Variants in HS6ST3 observed in about 807,000 individuals in gnomAD.
The protein encoded by HS6ST3 is heparan sulfate 6-O-sulfotransferase 3, also known as heparan-sulfate 6-O-sulfotransferase 3.
A neutral mutation model predicts 36.7 loss-of-function variants in HS6ST3; 12 were observed. The observed-to-expected ratio is 0.33, with a 90% confidence interval of 0.21 to 0.53. HS6ST3 has a LOEUF of 0.53. Ranked by LOEUF, HS6ST3 falls within the 20% of genes least tolerant of loss-of-function variation. The pLI is 0.95. For synonymous variants in HS6ST3, 240 were observed against 257.5 expected, an observed-to-expected ratio of 0.93 and a Z score of 0.65; for missense variants, 584 against 640.9, an observed-to-expected ratio of 0.91 and a Z score of 0.96.
intron 1 of HS6ST3, among the ~76,000 whole-genome samples, chr13:96,416,860 C>G (rs558566491): frequency 2.0e-5 from 3 of 151,492 alleles, no homozygotes; most frequent in Admixed American, 2.0e-4. Flanking sequence ...TCACGCCATT[C>G]TCTTGCCTCA....
intron 1 of HS6ST3, among the ~76,000 whole-genome samples, chr13:96,780,445 G>A (rs1255053979): frequency 1.3e-5 from 2 of 152,150 alleles, no homozygotes; most frequent in Non-Finnish European, 2.9e-5. Context: ...GGGTAGGGAA[G>A]AAGTAATTTC....
rs897776283 is a variant in HS6ST3, at chr13:96,832,496, C to A, written c.714C>A (p.Phe238Leu). 6.4e-7 allele frequency: 1 copy of A among 1,551,358 alleles called. No individual in the cohort carries two copies. ...TTCCTCTAATTTCTTCTAGGAATTT[C>A]TATTACATCACAATGTTACGGGATC... ...CPRNHSHTRN[F>L]YYITMLRDPV... is the part of the protein sequence containing the mutation. The change falls in exon 2 of 2, where the codon TTC becomes TTA. Residue 238 changes from phenylalanine to leucine, a missense_variant. Transcript: ENST00000376705.
At chr13:96,319,119 C>T (rs1439898294) in intron 1 of HS6ST3, among the ~76,000 whole-genome samples, 2 of 152,204 alleles carry the variant, frequency 1.3e-5, no homozygotes, top group African/African-American at 4.8e-5. Flanking sequence ...CCCCATTTTT[C>T]TCTAACATCC....
chr13:96,209,663 A>T (rs755208924), intron 1 of HS6ST3, among the ~76,000 whole-genome samples: 8 of 152,110 alleles, frequency 5.3e-5, no homozygotes, highest in Non-Finnish European at 1.2e-4. Context: ...CCCACCTCTC[A>T]TGCCACCCAC....
At chr13:96,495,991 G>A (rs1427698040) in intron 1 of HS6ST3, among the ~76,000 whole-genome samples, 1 of 152,194 alleles carries the variant, frequency 6.6e-6, no homozygotes. Flanking sequence ...TCAACCCCGT[G>A]TTAATTGGGC....
chr13:96,830,503 G>T (rs1239107909), intron 1 of HS6ST3, among the ~76,000 whole-genome samples: 1 of 152,134 alleles, frequency 6.6e-6, no homozygotes, highest in Non-Finnish European at 1.5e-5. Context: ...TTATATATCT[G>T]TGTATCTATA....
At chr13:96,499,430 C>T (rs982253563) in intron 1 of HS6ST3, among the ~76,000 whole-genome samples, 1 of 152,188 alleles carries the variant, frequency 6.6e-6, no homozygotes, top group African/African-American at 2.4e-5. Flanking sequence ...CCATGAATCT[C>T]TACCCTGGAG....
Position 96,259,761 on chromosome 13 carries a change from T to C in HS6ST3, c.707+168192T>C, listed in dbSNP as rs140412412. Among the ~76,000 whole-genome samples, 519 of 152,338 alleles carry C rather than the reference T, an allele frequency of 3.4e-3. 5 individuals are homozygous for C. The highest frequency in any genetic ancestry group is 0.012 in the African/African-American group (496 of 41,574). On this transcript the variant is annotated intron_variant, in intron 1 of 1. Coordinates refer to ENST00000376705, the MANE Select transcript of HS6ST3 (RefSeq NM_153456.4). ...TCTATCCATTTTACCTTCTCCTTTT[T>C]CTACCTGTTGTTGTTTAACTGGAAA...
intron 1 of HS6ST3, among the ~76,000 whole-genome samples, chr13:96,321,202 T>C (rs1199536763): frequency 2.0e-5 from 3 of 152,140 alleles, no homozygotes; most frequent in African/African-American, 7.2e-5. Flanking sequence ...TGCTTCAGTC[T>C]ATCTGCTTTG....
chr13:96,717,510 A>C (rs1875731044), intron 1 of HS6ST3, among the ~76,000 whole-genome samples: 1 of 152,224 alleles, frequency 6.6e-6, no homozygotes, highest in South Asian at 2.1e-4. Flanking sequence ...CTGAATCCTC[A>C]TGCTAACCCT....
intron 1 of HS6ST3, among the ~76,000 whole-genome samples, chr13:96,497,337 C>T (rs1306692457): frequency 6.6e-6 from 1 of 152,048 alleles, no homozygotes; most frequent in Non-Finnish European, 1.5e-5. Flanking sequence ...TCATGATCAC[C>T]CCGAGGAATG....
chr13:96,714,324 A>G (rs746504568), intron 1 of HS6ST3, among the ~76,000 whole-genome samples: 19 of 152,204 alleles, frequency 1.2e-4, no homozygotes, highest in Non-Finnish European at 2.6e-4. Context: ...ACACAATTGA[A>G]AAATGGGCCA....
At chr13:96,669,053 G>A (rs2056674677) in intron 1 of HS6ST3, among the ~76,000 whole-genome samples, 1 of 152,124 alleles carries the variant, frequency 6.6e-6, no homozygotes, top group Non-Finnish European at 1.5e-5. Flanking sequence ...GCTTCAGGAA[G>A]CAAAATATCA....
chr13:96,174,651 A>G (rs1015544927), intron 1 of HS6ST3, among the ~76,000 whole-genome samples: 1 of 152,202 alleles, frequency 6.6e-6, no homozygotes, highest in East Asian at 1.9e-4. Context: ...CAGGATTTAT[A>G]TATTTAAATT....
At chr13:96,666,053 G>T (rs962926152) in intron 1 of HS6ST3, among the ~76,000 whole-genome samples, 6 of 152,120 alleles carry the variant, frequency 3.9e-5, no homozygotes, top group African/African-American at 1.4e-4. Context: ...AAGGAAAAAG[G>T]TTTAATTGAC....
At chr13:96,396,802 G>C (rs114957521) in intron 1 of HS6ST3, among the ~76,000 whole-genome samples, 1,815 of 152,226 alleles carry the variant, frequency 0.012, 46 homozygotes, top group African/African-American at 0.041. Context: ...AGTTACAAAT[G>C]GTGACAACGT....
chr13:96,597,885 G>T (rs1373221827), intron 1 of HS6ST3, among the ~76,000 whole-genome samples: 4 of 151,816 alleles, frequency 2.6e-5, no homozygotes, highest in Admixed American at 6.6e-5. Flanking sequence ...TTATCCTTTG[G>T]CACATGGCTA....
chr13:96,560,612 A>G (rs1048754874), intron 1 of HS6ST3, among the ~76,000 whole-genome samples: 1 of 152,198 alleles, frequency 6.6e-6, no homozygotes. Flanking sequence ...ATATGATTCT[A>G]TACATAGAAA....
intron 1 of HS6ST3, among the ~76,000 whole-genome samples, chr13:96,264,865 A>C (rs1196867396): frequency 6.6e-6 from 1 of 152,228 alleles, no homozygotes; most frequent in East Asian, 1.9e-4. Flanking sequence ...AAATTTGAAA[A>C]TAACTTTTTA....
Sources: gnomAD v4.1 joint callset for allele counts (sites outside exome capture counted in the v4.1 genomes callset) on GRCh38, gnomAD v4.1.1 for gene constraint, MANE v1.5 for transcripts, NCBI Gene and HGNC (gene_info 2026-07-23, HGNC 2026-07-21) for gene names.